Variants in GUCY1A2 observed in about 807,000 individuals in gnomAD.
GUCY1A2 encodes guanylate cyclase soluble subunit alpha-2.
Under a neutral mutation model 63.5 loss-of-function variants are expected in GUCY1A2, and 27 were observed. That is an observed-to-expected ratio of 0.43 (90% CI 0.31 to 0.59). The LOEUF (loss-of-function observed/expected upper bound fraction) is 0.59. GUCY1A2 is among the 20% of genes least tolerant of loss of function. GUCY1A2 has a pLI of 0.11. For missense variants in GUCY1A2, 768 were observed against 913.3 expected (o/e 0.84, Z 2.05); for synonymous variants, 364 against 343.5 (o/e 1.06, Z -0.66).
intron 4 of GUCY1A2, among the ~76,000 whole-genome samples, chr11:106,896,005 T>C (rs996199888): frequency 6.5e-5 from 9 of 138,282 alleles, no homozygotes; most frequent in Non-Finnish European, 1.4e-4. Context: ...CAAGACTCTG[T>C]CTCAAAAAAA....
At chr11:106,880,745 T>C (rs1215746288) in intron 4 of GUCY1A2, among the ~76,000 whole-genome samples, 1 of 152,112 alleles carries the variant, frequency 6.6e-6, no homozygotes, top group African/African-American at 2.4e-5. Flanking sequence ...CTTTACCATA[T>C]TAAAGTGCAT....
intron 6 of GUCY1A2, among the ~76,000 whole-genome samples, chr11:106,769,663 T>A (rs1437744378): frequency 6.6e-6 from 1 of 152,142 alleles, no homozygotes; most frequent in Non-Finnish European, 1.5e-5. Flanking sequence ...TTATACGGTA[T>A]TTTTCCATAT....
At chr11:106,814,634 T>G (rs1413301686) in intron 4 of GUCY1A2, among the ~76,000 whole-genome samples, 1 of 152,024 alleles carries the variant, frequency 6.6e-6, no homozygotes, top group Non-Finnish European at 1.5e-5. Flanking sequence ...TGGAGAAGCT[T>G]GCTCTGCACC....
chr11:106,949,988 T>C (rs1860884188), intron 3 of GUCY1A2, among the ~76,000 whole-genome samples: 1 of 152,220 alleles, frequency 6.6e-6, no homozygotes, highest in African/African-American at 2.4e-5. Context: ...TTCATATGTG[T>C]GCATACATGA....
chr11:106,964,873 G>A (rs747010302), intron 3 of GUCY1A2, among the ~76,000 whole-genome samples: 13 of 152,046 alleles, frequency 8.6e-5, no homozygotes, highest in Admixed American at 2.0e-4. Flanking sequence ...CCAGCTACTC[G>A]GGAGGCTGAG....
rs190630511 is a variant in GUCY1A2, at chr11:106,929,599, A to G, written c.1206+9861T>C. On this transcript the variant is annotated intron_variant, in intron 4 of 7. Coordinates refer to ENST00000526355, the MANE Select transcript of GUCY1A2 (RefSeq NM_000855.3). ...AAACTAGCATTACAAAAATAACGTGATCATATTATTTACCTTTAAAGTTTG... is the reference window on the plus strand; with the variant it reads ...AAACTAGCATTACAAAAATAACGTGGTCATATTATTTACCTTTAAAGTTTG... 2.0e-5 allele frequency among the ~76,000 whole-genome samples: 3 copies of G among 152,274 alleles called. No homozygotes were observed. In the East Asian group the frequency reaches 5.8e-4, roughly 29 times the overall value.
chr11:106,678,612 C>A lies in GUCY1A2; in HGVS notation c.*8937G>T. 4.7e-6 allele frequency: 1 copy of A among 210,984 alleles called. No homozygotes were observed. Among genetic ancestry groups the A allele is most frequent in the Non-Finnish European group, 9.6e-6 (1 of 103,974 alleles). 13.1% of individuals were successfully genotyped at this position (210,984 alleles called of 1,614,324 possible). ...GGGTATGGAAATGCATAGTTTCTTA[C>A]TAGTCAGAGAGTCAGAGGTGATGTA... On this transcript the variant is annotated 3_prime_UTR_variant, in exon 8 of 8. Transcript: ENST00000526355.
intron 4 of GUCY1A2, among the ~76,000 whole-genome samples, chr11:106,904,229 G>T (rs561461362): frequency 2.0e-5 from 3 of 152,212 alleles, no homozygotes; most frequent in African/African-American, 7.2e-5. Context: ...TATCCACAAA[G>T]CAGCAAAATA....
intron 1 of GUCY1A2, among the ~76,000 whole-genome samples, chr11:107,013,605 TG>T (rs1365275195): frequency 6.6e-6 from 1 of 152,200 alleles, no homozygotes; most frequent in African/African-American, 2.4e-5. Flanking sequence ...TGGAGTGCAG[TG>T]GTGTGATCTC....
chr11:107,007,341 A>G (rs1861684449), intron 1 of GUCY1A2, among the ~76,000 whole-genome samples: 2 of 152,148 alleles, frequency 1.3e-5, no homozygotes, highest in African/African-American at 4.8e-5. Flanking sequence ...AATGCTCTAG[A>G]TATATTCTAA....
chr11:107,009,533 A>G (rs1431871687), intron 1 of GUCY1A2, among the ~76,000 whole-genome samples: 1 of 152,218 alleles, frequency 6.6e-6, no homozygotes, highest in East Asian at 1.9e-4. Flanking sequence ...CAAGATACTT[A>G]TAGTAATGAC....
At chr11:106,977,110 A>T (rs899612273) in intron 3 of GUCY1A2, among the ~76,000 whole-genome samples, 2 of 152,214 alleles carry the variant, frequency 1.3e-5, no homozygotes, top group African/African-American at 2.4e-5. Context: ...GAGGGTCAGG[A>T]AAGTGTTTAG....
intron 6 of GUCY1A2, among the ~76,000 whole-genome samples, chr11:106,756,853 T>G (rs1863983721): frequency 6.6e-6 from 1 of 152,174 alleles, no homozygotes; most frequent in Admixed American, 6.5e-5. Context: ...AGGAATATCT[T>G]TGTGGTGGTC....
chr11:106,951,221 T>A (rs1446312727), intron 3 of GUCY1A2, among the ~76,000 whole-genome samples: 1 of 152,234 alleles, frequency 6.6e-6, no homozygotes, highest in South Asian at 2.1e-4. Flanking sequence ...TGTGTCTTTA[T>A]AGTAGAATCA....
chr11:106,870,806 TTTAA>T (rs1859666543), intron 4 of GUCY1A2, among the ~76,000 whole-genome samples: 2 of 152,158 alleles, frequency 1.3e-5, no homozygotes, highest in African/African-American at 4.8e-5. Context: ...ATTCTTTTGT[TTTAA>T]TTAATTGATG....
At chr11:106,897,096 TTAC>T (rs1860061175) in intron 4 of GUCY1A2, among the ~76,000 whole-genome samples, 1 of 152,004 alleles carries the variant, frequency 6.6e-6, no homozygotes, top group Non-Finnish European at 1.5e-5. Context: ...TACAATACAT[TTAC>T]ATTAGCATAC....
rs775909932 is a variant in GUCY1A2 at position 107,017,909 on chromosome 11, G to C, written c.147C>G (p.Ser49Arg). The change falls in exon 1 of 8, where the codon AGC becomes AGG. Residue 49 changes from serine (S) to arginine (R), a missense_variant. Physicochemically the swap from Ser to Arg is moderately radical, Grantham distance 110 (BLOSUM62 -1). This residue lies in a region of GUCY1A2 where 496 missense variants were observed against 486.9 expected (regional missense o/e 1.02). Transcript: ENST00000526355. ...CGGCGGCAGCGGCAGCTGCGGCCGG[G>C]CTGGGCTCCAGCGGCCCGGGCGGGC... ...SRSPPGPLEP[S>R]PAAAAAAAAP... 2 of 1,272,912 alleles carry C rather than the reference G, an allele frequency of 1.6e-6. No individual in the cohort carries two copies. The highest frequency in any genetic ancestry group is 4.0e-5 in the Admixed American group (1 of 24,772). The allele number at this position is 1,272,912 out of a possible 1,614,324, so 78.9% of individuals were successfully genotyped here. A position where few individuals can be genotyped will look rare whatever the true frequency, so the allele number is the denominator to read the frequency against.
rs987383889 is a variant in GUCY1A2, at chr11:106,682,898, G to A, written c.*4651C>T. 34 of 216,544 alleles carry A rather than the reference G, an allele frequency of 1.6e-4. 1 individual carries two copies. In the East Asian group the frequency reaches 1.8e-3, roughly 12 times the overall value. 13.4% of individuals were successfully genotyped at this position (216,544 alleles called of 1,614,324 possible). A position where few individuals can be genotyped will look rare whatever the true frequency, so the allele number is the denominator to read the frequency against. ...ATTGTTTGGATCAAGTGTGAGGAAG[G>A]AATTTTGCACACTATCTCAGTATAG... On this transcript the variant is annotated 3_prime_UTR_variant, in exon 8 of 8. Transcript: ENST00000526355.
At chr11:106,912,460 T>C (rs1860308484) in intron 4 of GUCY1A2, among the ~76,000 whole-genome samples, 1 of 152,102 alleles carries the variant, frequency 6.6e-6, no homozygotes, top group Non-Finnish European at 1.5e-5. Flanking sequence ...TAAAAAAATA[T>C]GTTCTCCCCA....
Sources: gnomAD v4.1 joint callset for allele counts (sites outside exome capture counted in the v4.1 genomes callset) on GRCh38, gnomAD v4.1.1 for gene constraint, gnomAD v4.1.1 regional missense constraint, MANE v1.5 for transcripts, NCBI Gene and HGNC (gene_info 2026-07-23, HGNC 2026-07-21) for gene names.